Variants in SPAG16 observed in about 807,000 individuals in gnomAD.
SPAG16 encodes sperm-associated antigen 16 protein.
SPAG16 carries 86 observed loss-of-function variants against 80.4 expected under a neutral mutation model. That is an observed-to-expected ratio of 1.07 (90% CI 0.90 to 1.28). The LOEUF is 1.28. Ranked by LOEUF, SPAG16 falls within the 50% of genes most tolerant of loss-of-function variation. The pLI, the probability that SPAG16 is intolerant of heterozygous loss-of-function variation, is 0.00. For synonymous variants in SPAG16, 294 were observed against 265.9 expected (o/e 1.11, Z -1.03); for missense variants, 870 against 765.3 (o/e 1.14, Z -1.61).
chr2:213,725,927 G>T lies in SPAG16; in HGVS notation c.1071-136558G>T, dbSNP rs986329570. Among the ~76,000 whole-genome samples the T allele has an allele frequency of 2.0e-5, 3 of 152,188 alleles. No homozygotes were observed. The East Asian group carries it at 5.8e-4, about 29-fold the overall frequency. On this transcript the variant is annotated intron_variant, in intron 10 of 15. Transcript: ENST00000331683. ...TGGGTCAGGACATTGAAAGAAGGCA[G>T]GGGGAAAGTGGGGGACCCTACAATC...
intron 10 of SPAG16, among the ~76,000 whole-genome samples, chr2:213,795,437 A>T (rs766475091): frequency 5.9e-5 from 9 of 152,168 alleles, no homozygotes; most frequent in Non-Finnish European, 1.3e-4. Context: ...TGCTTTCAAC[A>T]TTTTTCTACT....
intron 9 of SPAG16, among the ~76,000 whole-genome samples, chr2:213,432,570 A>G (rs1175166322): frequency 1.3e-5 from 2 of 152,136 alleles, no homozygotes; most frequent in African/African-American, 2.4e-5. Context: ...CAGACCAATA[A>G]TGAGTAATGA....
chr2:214,187,774 C>T (rs909648589), intron 15 of SPAG16, among the ~76,000 whole-genome samples: 1 of 151,344 alleles, frequency 6.6e-6, no homozygotes, highest in East Asian at 1.9e-4. Context: ...AACTCCATAT[C>T]GCTTAACCTT....
intron 13 of SPAG16, among the ~76,000 whole-genome samples, chr2:214,104,111 G>A (rs1410909222): frequency 6.6e-6 from 1 of 152,100 alleles, no homozygotes; most frequent in East Asian, 1.9e-4. Flanking sequence ...ATCTCCCCAG[G>A]GGTCTCTATC....
chr2:213,308,717 G>A (rs1261150793), intron 3 of SPAG16, among the ~76,000 whole-genome samples: 5 of 152,116 alleles, frequency 3.3e-5, no homozygotes, highest in Non-Finnish European at 7.4e-5. Context: ...ATTCTGCAAG[G>A]AAGGGCAGTG....
In SPAG16 at chr2:213,388,811, C is replaced by T. The variant is rs552757937; in HGVS notation, c.942+13692C>T. Among the ~76,000 whole-genome samples, 21 of 152,284 alleles carry T rather than the reference C, an allele frequency of 1.4e-4. No homozygotes were observed. The South Asian group carries it at 3.9e-3, about 29-fold the overall frequency. Reference sequence around the variant, plus strand: ...GACTTGTACAATGAAAGCTAAAAAACATTGCTGAGGGAAATTAAAGAAGAC... The same window carrying T: ...GACTTGTACAATGAAAGCTAAAAAATATTGCTGAGGGAAATTAAAGAAGAC... On this transcript the variant is annotated intron_variant, in intron 9 of 15. Transcript: ENST00000331683.
intron 15 of SPAG16, among the ~76,000 whole-genome samples, chr2:214,234,872 C>T (rs1181046768): frequency 6.6e-6 from 1 of 151,634 alleles, no homozygotes; most frequent in Non-Finnish European, 1.5e-5. Flanking sequence ...ACATGTACCA[C>T]ACACACACAC....
intron 10 of SPAG16, among the ~76,000 whole-genome samples, chr2:213,506,924 C>T (rs1254138965): frequency 6.6e-6 from 1 of 152,276 alleles, no homozygotes; most frequent in African/African-American, 2.4e-5. Flanking sequence ...CAATTTTAGA[C>T]ATCATATGCT....
chr2:214,223,055 A>G (rs1243499131), intron 15 of SPAG16, among the ~76,000 whole-genome samples: 4 of 152,208 alleles, frequency 2.6e-5, no homozygotes, highest in African/African-American at 7.2e-5. Flanking sequence ...TTCATTTCTT[A>G]ATATGAAATA....
chr2:213,583,760 AT>A (rs1233918333), intron 10 of SPAG16, among the ~76,000 whole-genome samples: 1 of 152,200 alleles, frequency 6.6e-6, no homozygotes, highest in African/African-American at 2.4e-5. Context: ...TCATTATGAT[AT>A]CTTGACTACT....
chr2:213,440,633 C>T lies in SPAG16; in HGVS notation c.943-49330C>T, dbSNP rs138058542. ...AAGATGAGAAAGAGATCCATGCATA[C>T]ATGGTTTATTCATGAGAAGTGTGGT... On this transcript the variant is annotated intron_variant, in intron 9 of 15. Transcript: ENST00000331683. Among the ~76,000 whole-genome samples, 45 of 152,212 alleles carry T rather than the reference C, an allele frequency of 3.0e-4. No individual in the cohort carries two copies. The South Asian group carries it at 8.7e-3, about 29-fold the overall frequency.
chr2:213,319,297 T>A (rs116551646), intron 5 of SPAG16, among the ~76,000 whole-genome samples: 1 of 151,904 alleles, frequency 6.6e-6, no homozygotes, highest in South Asian at 2.1e-4. Flanking sequence ...CATTGAGAAG[T>A]AGAGAAAATA....
chr2:214,355,083 C>G (rs13401177), intron 15 of SPAG16, among the ~76,000 whole-genome samples: 2,015 of 151,728 alleles, frequency 0.013, 34 homozygotes, highest in African/African-American at 0.045. Flanking sequence ...AGAAAACCTA[C>G]GCATTACCAT....
At chr2:213,754,902 T>C (rs1364695489) in intron 10 of SPAG16, among the ~76,000 whole-genome samples, 2 of 152,246 alleles carry the variant, frequency 1.3e-5, no homozygotes, top group Non-Finnish European at 2.9e-5. Flanking sequence ...AGTGATATCA[T>C]GCTGTTGGCA....
At chr2:213,867,923 CAACAAAAAAAAAAAA>C (rs2075764223) in intron 11 of SPAG16, among the ~76,000 whole-genome samples, 1 of 55,368 alleles carries the variant, frequency 1.8e-5, no homozygotes, top group Non-Finnish European at 3.4e-5. Flanking sequence ...GACTCTGTCT[CAACAAAAAAAAAAAA>C]AAAAAAAAAA....
rs1347156197 is a variant in SPAG16, at chr2:213,340,269, G to A, written c.643G>A (p.Gly215Arg). Residue 215 changes from glycine (G) to arginine (R), a missense_variant and splice_region_variant, in exon 6 of 16, where the codon GGG (glycine) becomes AGG (arginine). Gly to Arg is a moderately radical substitution (Grantham distance 125). Coordinates refer to ENST00000331683, the MANE Select transcript of SPAG16 (RefSeq NM_024532.5). ...EKNKLINDLK[G>R]LKLHYASYEP... ...AAACAAATTAATTAATGACCTCAAA[G>A]GGTAAGCTTATACTTGTTGGCATAT... 1.3e-6 allele frequency: 2 copies of A among 1,573,984 alleles called. No homozygotes were observed. The highest frequency in any genetic ancestry group is 2.2e-5 in the South Asian group (2 of 89,204).
intron 13 of SPAG16, among the ~76,000 whole-genome samples, chr2:214,026,357 T>G (rs1220463839): frequency 1.3e-5 from 2 of 151,380 alleles, no homozygotes; most frequent in Non-Finnish European, 1.5e-5. Flanking sequence ...ATCAATAGCT[T>G]CTTCTTTGCT....
intron 10 of SPAG16, among the ~76,000 whole-genome samples, chr2:213,860,433 A>ATC (rs1559529272): frequency 4.0e-4 from 26 of 64,650 alleles, no homozygotes; most frequent in Non-Finnish European, 8.3e-4. Context: ...GTATATCTAT[A>ATC]TATTTATAGA....
intron 15 of SPAG16, among the ~76,000 whole-genome samples, chr2:214,287,419 A>G (rs1413105072): frequency 6.6e-6 from 1 of 152,218 alleles, no homozygotes; most frequent in African/African-American, 2.4e-5. Flanking sequence ...ACATTTTTAA[A>G]GAGTGGTGCT....
Sources: allele counts gnomAD v4.1 joint callset (sites outside exome capture counted in the v4.1 genomes callset), GRCh38; gene constraint gnomAD v4.1.1; transcripts MANE v1.5; gene names NCBI Gene and HGNC (gene_info 2026-07-23, HGNC 2026-07-21).